CCDC51: variants seen among roughly 807,000 people sequenced by gnomAD.
CCDC51 encodes the protein coiled-coil domain containing 51.
A neutral mutation model predicts 24.8 loss-of-function variants in CCDC51; 25 were observed. The observed-to-expected ratio is 1.01, with a 90% CI of 0.73 to 1.41. CCDC51 has a LOEUF of 1.41. CCDC51 is among the 40% of genes most tolerant of loss of function. The pLI, the probability that CCDC51 is intolerant of heterozygous loss-of-function variation, is 0.00. For synonymous variants in CCDC51, 190 were observed against 204.3 expected, an observed-to-expected ratio of 0.93 and a Z score of 0.60; for missense variants, 466 against 519.1, an observed-to-expected ratio of 0.90 and a Z score of 0.99.
At chr3:48,442,060 GA>G (rs2039582058), upstream of CCDC51, among the ~76,000 whole-genome samples, 1 of 152,064 alleles carries the variant, frequency 6.6e-6, no homozygotes, top group Admixed American at 6.6e-5. Context: ...CCTGTCTACA[GA>G]AAAAATTTAA....
At chr3:48,440,995 C>CT, upstream of CCDC51, 1 of 307,504 alleles carries the variant, frequency 3.3e-6, no homozygotes. Flanking sequence ...TTGAACCTTA[C>CT]TTGACTTAGA....
At chr3:48,439,450 G>A (rs2039481273) in intron 1 of CCDC51, among the ~76,000 whole-genome samples, 1 of 152,188 alleles carries the variant, frequency 6.6e-6, no homozygotes, top group African/African-American at 2.4e-5. Flanking sequence ...TGGCCAACAT[G>A]GCGAAACCCC....
At chr3:48,434,156 C>T (rs754282803) in intron 2 of CCDC51, among the ~76,000 whole-genome samples, 2 of 152,178 alleles carry the variant, frequency 1.3e-5, no homozygotes, top group African/African-American at 2.4e-5. Flanking sequence ...GTCCATCAAA[C>T]CTGTGTTGGT....
At chr3:48,446,108 C>G in the CCDC51 span, among the ~76,000 whole-genome samples, 1 of 152,004 alleles carries the variant, frequency 6.6e-6, no homozygotes, top group Non-Finnish European at 1.5e-5. Flanking sequence ...ACCTCCTGAG[C>G]CCTATTCTAT....
chr3:48,439,461 G>A (rs199559281), intron 1 of CCDC51, among the ~76,000 whole-genome samples: 2 of 152,246 alleles, frequency 1.3e-5, no homozygotes, highest in South Asian at 4.2e-4. Flanking sequence ...GCGAAACCCC[G>A]TCTCTACTAA....
At chr3:48,440,145 T>G (rs942849533), upstream of CCDC51, 24 of 1,313,200 alleles carry the variant, frequency 1.8e-5, no homozygotes, top group Non-Finnish European at 2.4e-5. Flanking sequence ...TCTGACCTGT[T>G]AGTACCCGCC....
chr3:48,446,542 G>A, the CCDC51 span: 3 of 258,018 alleles, frequency 1.2e-5, no homozygotes, highest in Non-Finnish European at 1.5e-5. Flanking sequence ...CCAGCGCGGC[G>A]GAGCTGGTGC....
upstream of CCDC51, chr3:48,443,802 G>C: frequency 6.6e-7 from 1 of 1,514,066 alleles, no homozygotes; most frequent in African/African-American, 1.4e-5. Context: ...GGCTTCTACC[G>C]TAAGAACTAT....
At chr3:48,434,766 A>G (rs1293542642) in intron 2 of CCDC51, 51 bp downstream of exon 2, 5 of 1,509,872 alleles carry the variant, frequency 3.3e-6, no homozygotes, top group Non-Finnish European at 4.5e-6. Flanking sequence ...CTGGTTTGGC[A>G]CATTTCCCAA....
upstream of CCDC51, chr3:48,440,534 T>G: frequency 6.2e-7 from 1 of 1,610,278 alleles, no homozygotes; most frequent in East Asian, 2.2e-5. Flanking sequence ...GCTCTGCCTC[T>G]CCCCAGGAAG....
At chr3:48,442,282 T>TA (rs2039589537), upstream of CCDC51, among the ~76,000 whole-genome samples, 1 of 148,104 alleles carries the variant, frequency 6.8e-6, no homozygotes, top group African/African-American at 2.5e-5. Context: ...AAAAAAAAGG[T>TA]ATCTTGCACC....
chr3:48,434,016 T>A, intron 2 of CCDC51, 145 bp from the exon 3 acceptor site: 1 of 1,435,674 alleles, frequency 7.0e-7, no homozygotes, highest in South Asian at 1.5e-5. Flanking sequence ...ACACTAATCC[T>A]GGCTCACCCA....
At position 48,435,384 on chromosome 3, in the gene CCDC51, C is replaced by T. The variant is rs2039321404; in HGVS notation, c.-8-248G>A. Reference sequence around the variant, plus strand: ...CTAGGATGCCATACCTTCCAGTGCCCGCCACCATGCCACACAAAGCGGACC... The same window carrying T: ...CTAGGATGCCATACCTTCCAGTGCCTGCCACCATGCCACACAAAGCGGACC... On this transcript the variant is annotated intron_variant, in intron 1 of 3. Transcript: ENST00000395694. The surrounding 1 kb of genome is among the most constrained non-coding windows in gnomAD (Gnocchi z 4.2). 6.6e-6 allele frequency among the ~76,000 whole-genome samples: 1 copy of T among 152,134 alleles called. No homozygotes were observed. Among genetic ancestry groups the T allele is most frequent in the African/African-American group, 2.4e-5 (1 of 41,422 alleles).
Position 48,432,635 on chromosome 3 carries a change from C to T in CCDC51, c.1009G>A (p.Val337Met). Residue 337 changes from valine (V) to methionine (M), a missense_variant, in exon 4 of 4, where the codon GTG becomes ATG. By Grantham distance (21) the Val-to-Met change is conservative. Coordinates refer to ENST00000395694, the MANE Select transcript of CCDC51 (RefSeq NM_001256964.2). The part of the protein sequence containing the change: ...LEKTCSQMAG[V>M]VQLVKSAAHP... ...GCTGCAGACTTTACAAGCTGAACCA[C>T]CCCAGCCATTTGGCTACAAGTCTTT... is the stretch of plus-strand genomic sequence containing the variant. The T allele has an allele frequency of 6.2e-7, 1 of 1,614,274 alleles. No individual in the cohort carries two copies. Among genetic ancestry groups the T allele is most frequent in the Non-Finnish European group, 8.5e-7 (1 of 1,180,042 alleles).
chr3:48,440,543 A>G (rs753473017), upstream of CCDC51: 12 of 1,611,308 alleles, frequency 7.4e-6, no homozygotes, highest in Non-Finnish European at 1.0e-5. Flanking sequence ...CTCCCCAGGA[A>G]GATAAGGCTT....
At chr3:48,439,289 C>T (rs895130937) in intron 1 of CCDC51, among the ~76,000 whole-genome samples, 1 of 152,210 alleles carries the variant, frequency 6.6e-6, no homozygotes, top group Non-Finnish European at 1.5e-5. Flanking sequence ...ACTCATCTGC[C>T]TAATCTCTGG....
upstream of CCDC51, chr3:48,444,967 CAATA>C (rs2107175686): frequency 6.6e-6 from 1 of 152,352 alleles, no homozygotes; most frequent in East Asian, 1.9e-4. Context: ...GCTTGCCCCT[CAATA>C]AATGCAAAGA....
chr3:48,443,097 G>A (rs760259277), upstream of CCDC51, among the ~76,000 whole-genome samples: 10 of 151,658 alleles, frequency 6.6e-5, no homozygotes, highest in East Asian at 1.4e-3. Context: ...AAAATTAGCC[G>A]GGTATGGTGG....
At chr3:48,441,803 C>T (rs1347305605), upstream of CCDC51, among the ~76,000 whole-genome samples, 2 of 152,188 alleles carry the variant, frequency 1.3e-5, no homozygotes, top group Non-Finnish European at 2.9e-5. Flanking sequence ...GCACTGTGAG[C>T]CATGCTAGGC....
Sources: allele counts gnomAD v4.1 joint callset (sites outside exome capture counted in the v4.1 genomes callset), GRCh38; gene constraint gnomAD v4.1.1; non-coding constraint Gnocchi (gnomAD v3.1); transcripts MANE v1.5; gene names NCBI Gene and HGNC (gene_info 2026-07-23, HGNC 2026-07-21).